PDE8B: variants seen among roughly 807,000 people sequenced by gnomAD.
The protein encoded by PDE8B is phosphodiesterase 8B, also known as high affinity cAMP-specific and IBMX-insensitive 3',5'-cyclic phosphodiesterase 8B.
A neutral mutation model predicts 101.3 loss-of-function variants in PDE8B; 26 were observed. The observed-to-expected ratio is 0.26, with a 90% CI of 0.19 to 0.36. The LOEUF is 0.36. Ranked by LOEUF, PDE8B falls within the 10% of genes least tolerant of loss-of-function variation. The probability of loss-of-function intolerance (pLI) is 1.00; values close to 1 mark genes in which losing one functional copy is unlikely to be tolerated. For synonymous variants in PDE8B, 424 were observed against 429.3 expected (o/e 0.99, Z 0.15); for missense variants, 810 against 1,163.1 (o/e 0.70, Z 4.42).
the PDE8B span, among the ~76,000 whole-genome samples, chr5:77,174,820 G>A: frequency 6.6e-6 from 1 of 152,076 alleles, no homozygotes; most frequent in East Asian, 1.9e-4. Context: ...GCTCACAGTA[G>A]CATCTATACA....
chr5:77,288,806 C>T (rs904754164), intron 1 of PDE8B, among the ~76,000 whole-genome samples: 7 of 148,938 alleles, frequency 4.7e-5, no homozygotes, highest in African/African-American at 9.9e-5. Context: ...CTGTGCTCCT[C>T]GGTTTTTTCC....
At chr5:77,120,805 G>A in the PDE8B span, among the ~76,000 whole-genome samples, 1 of 152,210 alleles carries the variant, frequency 6.6e-6, no homozygotes, top group South Asian at 2.1e-4. Flanking sequence ...CCTAACACCT[G>A]GGTGGTGGAA....
chr5:77,214,193 G>T (rs1749141213), intron 1 of PDE8B, among the ~76,000 whole-genome samples: 1 of 152,204 alleles, frequency 6.6e-6, no homozygotes, highest in Non-Finnish European at 1.5e-5. Flanking sequence ...AAGAACCAGG[G>T]ATTCTTACAA....
chr5:77,290,687 C>G (rs1767100906), intron 1 of PDE8B: 1 of 1,507,130 alleles, frequency 6.6e-7, no homozygotes, highest in East Asian at 2.3e-5. Flanking sequence ...GAGGACCTAT[C>G]TTGCCTTCTG....
chr5:77,192,928 CTAAT>C, the PDE8B span, among the ~76,000 whole-genome samples: 4 of 152,094 alleles, frequency 2.6e-5, no homozygotes, highest in East Asian at 7.7e-4. Flanking sequence ...TCACTGATGA[CTAAT>C]TGATGCTGAG....
At chr5:77,343,302 A>C (rs1779547022) in intron 6 of PDE8B, among the ~76,000 whole-genome samples, 1 of 152,214 alleles carries the variant, frequency 6.6e-6, no homozygotes, top group Admixed American at 6.5e-5. Context: ...TGATTTTGTC[A>C]TTGTGCAAAC....
intron 10 of PDE8B, among the ~76,000 whole-genome samples, chr5:77,360,704 C>T (rs1396945358): frequency 6.6e-6 from 1 of 152,126 alleles, no homozygotes; most frequent in Non-Finnish European, 1.5e-5. Context: ...CCAGTCACCC[C>T]CATCCTAACC....
intron 10 of PDE8B, 116 bp from the exon 11 acceptor site, chr5:77,400,132 C>A: frequency 2.6e-6 from 2 of 762,104 alleles, no homozygotes; most frequent in South Asian, 2.9e-5. Flanking sequence ...ATATGTGCAG[C>A]TTCTTGCTTT....
chr5:77,376,716 C>T (rs570253862), intron 10 of PDE8B, among the ~76,000 whole-genome samples: 1 of 152,278 alleles, frequency 6.6e-6, no homozygotes, highest in South Asian at 2.1e-4. Context: ...ACATTCCTCT[C>T]GTTATTACTA....
At chr5:77,336,660 T>C (rs1218569108) in intron 5 of PDE8B, among the ~76,000 whole-genome samples, 1 of 152,248 alleles carries the variant, frequency 6.6e-6, no homozygotes, top group Non-Finnish European at 1.5e-5. Flanking sequence ...GCCTTTTGGC[T>C]ATGGTGAATG....
At position 77,309,941 on chromosome 5, in the gene PDE8B, A is replaced by ACCTTTTTTTTTTTTTTTTTTTTT. The variant is rs772985826; in HGVS notation, c.340-2053_340-2052insCCTTTTTTTTTTTTTTTTTTTTT. Among the ~76,000 whole-genome samples, 4 of 83,116 alleles carry ACCTTTTTTTTTTTTTTTTTTTTT rather than the reference A, an allele frequency of 4.8e-5. 2 individuals carry two copies. The highest frequency in any genetic ancestry group is 8.6e-5 in the Non-Finnish European group (4 of 46,546). 54.5% of individuals were successfully genotyped at this position (83,116 alleles called of 152,430 possible). On this transcript the variant is annotated intron_variant, in intron 1 of 21. Transcript: ENST00000264917. The stretch of plus-strand genomic sequence containing the variant: ...AACTGGTTTCCCTTTTTAATCATTA[A>ACCTTTTTTTTTTTTTTTTTTTTT]TCTTTTTTTTTTTTTTTTTTTTTTT...
At chr5:77,397,835 C>T (rs942496216) in intron 10 of PDE8B, among the ~76,000 whole-genome samples, 15 of 152,178 alleles carry the variant, frequency 9.9e-5, no homozygotes, top group Non-Finnish European at 1.9e-4. Context: ...AACAATATAG[C>T]TGTTGCCCGT....
the PDE8B span, chr5:77,104,460 C>T: frequency 6.6e-6 from 1 of 151,996 alleles, no homozygotes; most frequent in African/African-American, 2.4e-5. Context: ...GGGATTAAGG[C>T]CTTTATAAAA....
chr5:77,323,731 G>A (rs1447698084), intron 2 of PDE8B, among the ~76,000 whole-genome samples: 1 of 152,158 alleles, frequency 6.6e-6, no homozygotes, highest in Non-Finnish European at 1.5e-5. Flanking sequence ...GGCCGAGGTG[G>A]GCGGATCATG....
chr5:77,218,239 T>A (rs192764744), intron 1 of PDE8B, among the ~76,000 whole-genome samples: 1 of 152,368 alleles, frequency 6.6e-6, no homozygotes, highest in Non-Finnish European at 1.5e-5. Context: ...AGGATAGCTA[T>A]AATAATATTA....
intron 2 of PDE8B, among the ~76,000 whole-genome samples, chr5:77,317,444 A>G (rs760662011): frequency 6.6e-6 from 1 of 152,134 alleles, no homozygotes; most frequent in African/African-American, 2.4e-5. Context: ...CTCCCATGTC[A>G]GGAAATGTAC....
chr5:77,126,699 C>A, the PDE8B span, among the ~76,000 whole-genome samples: 1 of 152,114 alleles, frequency 6.6e-6, no homozygotes, highest in Non-Finnish European at 1.5e-5. Flanking sequence ...GGATTACAGG[C>A]GTGAGCCACA....
intron 7 of PDE8B, among the ~76,000 whole-genome samples, chr5:77,345,323 C>G (rs1289002419): frequency 2.0e-5 from 3 of 152,270 alleles, no homozygotes; most frequent in African/African-American, 7.2e-5. Flanking sequence ...CCACACTCAG[C>G]TAATTTTTAT....
At chr5:77,088,598 T>C in the PDE8B span, 1 of 152,140 alleles carries the variant, frequency 6.6e-6, no homozygotes, top group Non-Finnish European at 1.5e-5. Context: ...AGGGAGATGA[T>C]CTTCCCCTGG....
Sources: allele counts gnomAD v4.1 joint callset (sites outside exome capture counted in the v4.1 genomes callset), GRCh38; gene constraint gnomAD v4.1.1; transcripts MANE v1.5; gene names NCBI Gene and HGNC (gene_info 2026-07-23, HGNC 2026-07-21).